Variants in PHTF2 observed in about 807,000 individuals in gnomAD.
The protein encoded by PHTF2 is putative homeodomain transcription factor 2.
In PHTF2, 60 loss-of-function variants were observed where a neutral mutation model predicts 101.2. The ratio of observed to expected loss-of-function variants is 0.59; its 90% CI spans 0.48 to 0.73. The LOEUF (loss-of-function observed/expected upper bound fraction) is 0.73. Ranked by LOEUF, PHTF2 falls within the 30% of genes least tolerant of loss-of-function variation. PHTF2 has a pLI of 0.00. For missense variants in PHTF2, 747 were observed against 908.7 expected, an observed-to-expected ratio of 0.82 and a Z score of 2.29; for synonymous variants, 311 against 307.3, an observed-to-expected ratio of 1.01 and a Z score of -0.13.
At chr7:77,863,681 T>C (rs1797821476) in intron 3 of PHTF2, among the ~76,000 whole-genome samples, 1 of 151,944 alleles carries the variant, frequency 6.6e-6, no homozygotes, top group Admixed American at 6.6e-5. Context: ...CAAGACTTTC[T>C]CTTTCCAAAA....
intron 1 of PHTF2, among the ~76,000 whole-genome samples, chr7:77,834,469 C>T (rs1289220862): frequency 6.6e-6 from 1 of 152,110 alleles, no homozygotes; most frequent in East Asian, 1.9e-4. Flanking sequence ...ATGAGTGAGG[C>T]AGCTAGTCAG....
At chr7:77,852,455 C>T (rs1315647294) in intron 2 of PHTF2, among the ~76,000 whole-genome samples, 5 of 152,164 alleles carry the variant, frequency 3.3e-5, no homozygotes, top group Non-Finnish European at 7.3e-5. Flanking sequence ...CTGATGACAA[C>T]TTAATACCGA....
At chr7:77,886,911 G>A (rs569859353) in intron 3 of PHTF2, among the ~76,000 whole-genome samples, 1 of 152,000 alleles carries the variant, frequency 6.6e-6, no homozygotes, top group Non-Finnish European at 1.5e-5. Context: ...TGAGCAAGGT[G>A]GGGGTGCACC....
chr7:77,803,688 C>CGT (rs34239792), intron 1 of PHTF2, among the ~76,000 whole-genome samples: 7,367 of 140,868 alleles, frequency 0.052, 226 homozygotes, highest in Admixed American at 0.09. Context: ...GTTGAACAGG[C>CGT]GTGTGTGTGT....
intron 16 of PHTF2, among the ~76,000 whole-genome samples, chr7:77,947,391 A>T (rs565955789): frequency 6.6e-6 from 1 of 151,656 alleles, no homozygotes; most frequent in African/African-American, 2.4e-5. Flanking sequence ...GCAAAACCCT[A>T]TCTCTACTGA....
At chr7:77,929,674 A>C (rs1447801025) in intron 12 of PHTF2, among the ~76,000 whole-genome samples, 1 of 152,156 alleles carries the variant, frequency 6.6e-6, no homozygotes, top group African/African-American at 2.4e-5. Flanking sequence ...ACATCTCATG[A>C]ATATCAAATT....
chr7:77,954,610 G>GTATATATATATATATATA (rs1295236333), intron 19 of PHTF2, among the ~76,000 whole-genome samples: 2 of 82,528 alleles, frequency 2.4e-5, no homozygotes, highest in Non-Finnish European at 4.4e-5. Context: ...AACAAGTACT[G>GTATATATATATATATATA]TGTATATATA....
chr7:77,855,887 C>G (rs755026397), intron 3 of PHTF2, among the ~76,000 whole-genome samples: 2 of 152,224 alleles, frequency 1.3e-5, no homozygotes, highest in African/African-American at 2.4e-5. Flanking sequence ...CAATTCAAGA[C>G]TGTCTTTCCT....
chr7:77,898,045 A>G (rs1801037481), intron 5 of PHTF2, among the ~76,000 whole-genome samples: 1 of 151,808 alleles, frequency 6.6e-6, no homozygotes, highest in Non-Finnish European at 1.5e-5. Flanking sequence ...CTTAGAGGGA[A>G]AATTTTATTG....
intron 3 of PHTF2, among the ~76,000 whole-genome samples, chr7:77,869,179 T>G (rs1431491028): frequency 3.3e-5 from 5 of 152,198 alleles, no homozygotes; most frequent in African/African-American, 1.2e-4. Flanking sequence ...ATACATCTTA[T>G]GGGATACATG....
chr7:77,920,356 C>T (rs201907528), exon 10 of PHTF2: 1 of 1,609,424 alleles, frequency 6.2e-7, no homozygotes, highest in South Asian at 1.1e-5. Context: ...GGGAAGAAGA[C>T]TGTTAAAAGC....
intron 3 of PHTF2, among the ~76,000 whole-genome samples, chr7:77,874,102 G>A (rs1321477676): frequency 1.3e-5 from 2 of 152,140 alleles, no homozygotes; most frequent in Non-Finnish European, 2.9e-5. Context: ...TATGGTCAAA[G>A]GTATTGTGTT....
At position 77,801,598 on chromosome 7, in the gene PHTF2, A is replaced by G. The variant is rs188155968; in HGVS notation, c.-36+2627A>G. 1.7e-4 allele frequency among the ~76,000 whole-genome samples: 26 copies of G among 152,306 alleles called. No individual in the cohort carries two copies. In the East Asian group the frequency reaches 4.3e-3, roughly 25 times the overall value. ...AGACACCGTCTCAAAAACAAAAACA[A>G]AACAAAACAAAAAAACAGTCAAAAC... On this transcript the variant is annotated intron_variant, in intron 1 of 19. Coordinates refer to ENST00000416283, the Ensembl canonical transcript of PHTF2.
intron 5 of PHTF2, among the ~76,000 whole-genome samples, chr7:77,897,940 T>G (rs1189567664): frequency 1.3e-5 from 2 of 151,200 alleles, no homozygotes; most frequent in Non-Finnish European, 2.9e-5. Context: ...CCTCAGCCTC[T>G]CAAAGTGCTG....
chr7:77,935,331 T>G (rs145343377), intron 12 of PHTF2, among the ~76,000 whole-genome samples: 3,162 of 147,572 alleles, frequency 0.021, 89 homozygotes, highest in African/African-American at 0.073. Context: ...CACGCCATTC[T>G]CTTGCCTCAG....
intron 1 of PHTF2, among the ~76,000 whole-genome samples, chr7:77,826,184 G>T (rs1407049629): frequency 1.3e-5 from 2 of 151,938 alleles, no homozygotes; most frequent in Non-Finnish European, 2.9e-5. Context: ...TTGTTATCCT[G>T]GCCAAAAAGA....
At chr7:77,892,791 G>GA (rs1340822175) in intron 3 of PHTF2, among the ~76,000 whole-genome samples, 1 of 152,162 alleles carries the variant, frequency 6.6e-6, no homozygotes, top group Non-Finnish European at 1.5e-5. Context: ...CAGCATCTAA[G>GA]AATAATAAAA....
intron 1 of PHTF2, among the ~76,000 whole-genome samples, chr7:77,833,351 A>G (rs1049982739): frequency 4.6e-5 from 7 of 152,238 alleles, no homozygotes; most frequent in Non-Finnish European, 1.0e-4. Context: ...GATTGTAGAG[A>G]GTCTAAATAC....
intron 3 of PHTF2, among the ~76,000 whole-genome samples, chr7:77,891,581 T>TTGTTGTTGTTG (rs373881454): frequency 2.0e-5 from 3 of 151,624 alleles, no homozygotes; most frequent in Admixed American, 2.0e-4. Context: ...ATGGTTTTTT[T>TTGTTGTTGTTG]TTGTTGTTGT....
Sources: allele counts gnomAD v4.1 joint callset (sites outside exome capture counted in the v4.1 genomes callset), GRCh38; gene constraint gnomAD v4.1.1; transcripts MANE v1.5; gene names NCBI Gene and HGNC (gene_info 2026-07-23, HGNC 2026-07-21).